The following LRP12 variants were observed in gnomAD, a reference collection of about 807,000 sequenced individuals.
LRP12 encodes LDL receptor related protein 12.
A neutral mutation model predicts 66.0 loss-of-function variants in LRP12; 14 were observed. The ratio of observed to expected loss-of-function variants is 0.21; its 90% confidence interval spans 0.14 to 0.33. The LOEUF is 0.33. Ranked by LOEUF, LRP12 falls within the 10% of genes least tolerant of loss-of-function variation. LRP12 has a pLI of 1.00. For missense variants in LRP12, 889 were observed against 1,053.4 expected (o/e 0.84, Z 2.16); for synonymous variants, 357 against 359.1 (o/e 0.99, Z 0.07).
intron 1 of LRP12, among the ~76,000 whole-genome samples, chr8:104,550,624 C>T (rs979959794): frequency 3.9e-5 from 6 of 151,994 alleles, no homozygotes; most frequent in African/African-American, 7.3e-5. Flanking sequence ...TCTTCCTTAT[C>T]GTTCCTTCCT....
intron 1 of LRP12, among the ~76,000 whole-genome samples, chr8:104,548,797 G>T (rs919755795): frequency 6.6e-6 from 1 of 151,270 alleles, no homozygotes; most frequent in African/African-American, 2.4e-5. Flanking sequence ...ATGCAAAACT[G>T]GCTGGGTGTG....
At chr8:104,536,090 TTGTACTTA>T (rs1811389472) in intron 1 of LRP12, among the ~76,000 whole-genome samples, 1 of 152,068 alleles carries the variant, frequency 6.6e-6, no homozygotes, top group South Asian at 2.1e-4. Flanking sequence ...TCCTATTTTA[TTGTACTTA>T]AGGGAAAAGT....
rs1810612628 is a variant in LRP12 at position 104,490,930 on chromosome 8, T to A, written c.2323A>T (p.Met775Leu). ...GATCCATCAGAAATTGGAATTAGCA[T>A]TTCAACATCATCATCATCTTCTCTT... ...SGREDDDDVE[M>L]LIPISDGSSD... is the part of the protein sequence containing the mutation. Residue 775 changes from methionine to leucine, a missense_variant, in exon 7 of 7, where the codon ATG becomes TTG. Coordinates refer to ENST00000276654, the MANE Select transcript of LRP12 (RefSeq NM_013437.5). 6.2e-7 allele frequency: 1 copy of A among 1,613,928 alleles called. No individual in the cohort carries two copies. Among genetic ancestry groups the A allele is most frequent in the African/African-American group, 1.3e-5 (1 of 74,912 alleles).
chr8:104,570,587 A>G (rs1812062802), intron 1 of LRP12, among the ~76,000 whole-genome samples: 3 of 152,270 alleles, frequency 2.0e-5, no homozygotes, highest in African/African-American at 4.8e-5. Context: ...CAAAAACTGA[A>G]CCTCTTTTTT....
In LRP12 at chr8:104,587,995, G is replaced by A. The variant is rs145472692; in HGVS notation, c.79+824C>T. ...TGTTCTTTGCAATTAATTCCATTCA[G>A]CTCTTGCTCAGACCCCAACGCAATA... On this transcript the variant is annotated intron_variant, in intron 1 of 6. Coordinates refer to ENST00000276654, the MANE Select transcript of LRP12 (RefSeq NM_013437.5). 4.4e-3 allele frequency among the ~76,000 whole-genome samples: 664 copies of A among 152,292 alleles called. 8 individuals carry two copies. Among genetic ancestry groups the A allele is most frequent in the African/African-American group, 0.015 (638 of 41,558 alleles).
intron 1 of LRP12, among the ~76,000 whole-genome samples, chr8:104,544,159 C>G (rs1327767507): frequency 6.6e-6 from 1 of 152,172 alleles, no homozygotes; most frequent in Non-Finnish European, 1.5e-5. Flanking sequence ...AAACCAGCCA[C>G]AACATCGCCT....
At chr8:104,502,342 C>G (rs903110952) in intron 3 of LRP12, among the ~76,000 whole-genome samples, 1 of 152,192 alleles carries the variant, frequency 6.6e-6, no homozygotes, top group East Asian at 1.9e-4. Context: ...AAATCTTCAG[C>G]CTTCCTGCTG....
intron 1 of LRP12, among the ~76,000 whole-genome samples, chr8:104,556,029 ATGGAAAT>A (rs1811802008): frequency 6.6e-6 from 1 of 152,202 alleles, no homozygotes. Flanking sequence ...ATGCAAATGG[ATGGAAAT>A]TAAATAACCT....
intron 1 of LRP12, among the ~76,000 whole-genome samples, chr8:104,536,521 GAAT>G (rs1246078006): frequency 6.6e-6 from 1 of 152,046 alleles, no homozygotes; most frequent in Non-Finnish European, 1.5e-5. Flanking sequence ...ACATAGCAGG[GAAT>G]ACTTAGTCCA....
At chr8:104,579,938 T>C (rs1303195449) in intron 1 of LRP12, among the ~76,000 whole-genome samples, 1 of 152,142 alleles carries the variant, frequency 6.6e-6, no homozygotes, top group East Asian at 1.9e-4. Flanking sequence ...TCAAGACGGA[T>C]TGAAGACTTA....
intron 1 of LRP12, among the ~76,000 whole-genome samples, chr8:104,583,832 G>C (rs1812291281): frequency 6.6e-6 from 1 of 152,088 alleles, no homozygotes; most frequent in Admixed American, 6.5e-5. Flanking sequence ...AGATTAATTG[G>C]CAATAAATAA....
intron 6 of LRP12, 93 bp from the exon 7 acceptor site, chr8:104,491,632 G>C: frequency 9.4e-7 from 1 of 1,066,022 alleles, no homozygotes. Flanking sequence ...ATGTGTTGTG[G>C]TTAAAAATTC....
intron 2 of LRP12, among the ~76,000 whole-genome samples, chr8:104,515,989 A>G (rs1438432310): frequency 2.0e-5 from 3 of 152,146 alleles, no homozygotes; most frequent in Non-Finnish European, 2.9e-5. Flanking sequence ...CTTGAGCTCA[A>G]ATAATCCACT....
At chr8:104,508,278 T>G (rs1810938475) in intron 3 of LRP12, 1 of 152,228 alleles carries the variant, frequency 6.6e-6, no homozygotes, top group Non-Finnish European at 1.5e-5. Flanking sequence ...ATTCCCGTAC[T>G]GTTTTTCTCT....
At chr8:104,567,606 CA>C (rs1318609245) in intron 1 of LRP12, among the ~76,000 whole-genome samples, 2 of 151,946 alleles carry the variant, frequency 1.3e-5, no homozygotes, top group African/African-American at 4.8e-5. Context: ...TTCACAGAAA[CA>C]AAAACTTATT....
chr8:104,524,141 C>A (rs1036712469), intron 2 of LRP12, among the ~76,000 whole-genome samples: 2 of 148,672 alleles, frequency 1.3e-5, no homozygotes, highest in Non-Finnish European at 3.0e-5. Context: ...ACTCGGGAGG[C>A]TGAGGTGGGA....
intron 2 of LRP12, among the ~76,000 whole-genome samples, chr8:104,520,402 G>T (rs1811129203): frequency 6.6e-6 from 1 of 151,944 alleles, no homozygotes; most frequent in African/African-American, 2.4e-5. Flanking sequence ...ATTTTTGAAG[G>T]TTACTGTGAC....
At position 104,490,911 on chromosome 8, in the gene LRP12, T is replaced by C; in HGVS notation, c.2342A>G (p.Asp781Gly). The change falls in exon 7 of 7, where the codon GAT (aspartate) becomes GGT (glycine). Residue 781 changes from aspartate to glycine, a missense_variant. Asp to Gly is a moderately conservative substitution (Grantham distance 94). Around this residue, in one of 3 missense-constraint regions of LRP12, gnomAD observed 800 missense variants for 964.5 expected, o/e 0.83. Transcript: ENST00000276654. ...ATTCACATCAAAGTCTGAAGATCCATCAGAAATTGGAATTAGCATTTCAAC... is the reference window on the plus strand; with the variant it reads ...ATTCACATCAAAGTCTGAAGATCCACCAGAAATTGGAATTAGCATTTCAAC... Reference protein sequence around the residue: ...DDVEMLIPISDGSSDFDVNDC... With the variant: ...DDVEMLIPISGGSSDFDVNDC... 1.2e-6 allele frequency: 2 copies of C among 1,614,140 alleles called. No individual in the cohort carries two copies. The highest frequency in any genetic ancestry group is 1.7e-6 in the Non-Finnish European group (2 of 1,180,012).
intron 1 of LRP12, among the ~76,000 whole-genome samples, chr8:104,540,413 G>A (rs1811457690): frequency 6.6e-6 from 1 of 152,152 alleles, no homozygotes; most frequent in Non-Finnish European, 1.5e-5. Flanking sequence ...TCTAGATGAA[G>A]ATTTTTGGGA....
Sources: allele counts gnomAD v4.1 joint callset (sites outside exome capture counted in the v4.1 genomes callset), GRCh38; gene constraint gnomAD v4.1.1; regional missense constraint gnomAD v4.1.1; transcripts MANE v1.5; gene names NCBI Gene and HGNC (gene_info 2026-07-23, HGNC 2026-07-21).